SLC25A24: variants seen among roughly 807,000 people sequenced by gnomAD.
The protein encoded by SLC25A24 is mitochondrial adenyl nucleotide antiporter SLC25A24.
A neutral mutation model predicts 60.7 loss-of-function variants in SLC25A24; 49 were observed. The observed-to-expected ratio is 0.81, with a 90% CI of 0.64 to 1.02. SLC25A24 has a LOEUF of 1.02. SLC25A24 is among the 50% of genes least tolerant of loss of function. The pLI, the probability that SLC25A24 is intolerant of heterozygous loss-of-function variation, is 0.00. For missense variants in SLC25A24, 564 were observed against 586.3 expected, an observed-to-expected ratio of 0.96 and a Z score of 0.39; for synonymous variants, 202 against 200.6, an observed-to-expected ratio of 1.01 and a Z score of -0.06.
Position 108,200,169 on chromosome 1 carries a change from G to A in SLC25A24, c.-31C>T, listed in dbSNP as rs1207824196. The A allele has an allele frequency of 5.2e-6, 8 of 1,524,420 alleles. No homozygotes were observed. The highest frequency in any genetic ancestry group is 7.0e-6 in the Non-Finnish European group (8 of 1,139,500). The allele number at this position is 1,524,420 out of a possible 1,614,324, so 94.4% of individuals were successfully genotyped here. On this transcript the variant is annotated 5_prime_UTR_variant, in exon 1 of 10. Transcript: ENST00000565488. ...CAGAGGCGCAGGCGGCCTGGCCGAG[G>A]AAGTCACGGGAGATCGAGGGCTGCG... is the stretch of plus-strand genomic sequence containing the variant.
At chr1:108,171,934 T>TCCTAACC (rs1249019507) in intron 3 of SLC25A24, among the ~76,000 whole-genome samples, 2 of 152,328 alleles carry the variant, frequency 1.3e-5, no homozygotes, top group East Asian at 3.9e-4. Flanking sequence ...CAAACTGTAC[T>TCCTAACC]CCTAACCACT....
intron 3 of SLC25A24, among the ~76,000 whole-genome samples, chr1:108,180,141 A>G (rs1647860558): frequency 6.6e-6 from 1 of 152,096 alleles, no homozygotes; most frequent in South Asian, 2.1e-4. Context: ...AGATGGGTGG[A>G]TCACCTGATG....
chr1:108,172,077 T>C (rs1425224201), intron 3 of SLC25A24, among the ~76,000 whole-genome samples: 2 of 152,088 alleles, frequency 1.3e-5, no homozygotes, highest in Non-Finnish European at 2.9e-5. Context: ...AATGTAAAGA[T>C]ATGAAAATGA....
Position 108,136,856 on chromosome 1 carries a change from G to GGGTAAT in SLC25A24, c.1250-25_1250-20dup. 1 of 1,604,778 alleles carries GGGTAAT rather than the reference G, an allele frequency of 6.2e-7. No individual in the cohort carries two copies. The highest frequency in any genetic ancestry group is 8.5e-7 in the Non-Finnish European group (1 of 1,173,022). ...AACATGGCTAAAAAATAAAAAAAGA[G>GGGTAAT]GGTAATTTAATATTCAAGTATGTTT... On this transcript the variant is annotated intron_variant, in intron 9 of 9. Transcript: ENST00000565488.
intron 3 of SLC25A24, among the ~76,000 whole-genome samples, chr1:108,177,028 A>G (rs1647696509): frequency 6.6e-6 from 1 of 152,192 alleles, no homozygotes; most frequent in African/African-American, 2.4e-5. Context: ...GAAAGAGAAA[A>G]CTATTAAAAG....
At chr1:108,160,746 G>A (rs1680047729) in intron 4 of SLC25A24, among the ~76,000 whole-genome samples, 1 of 152,226 alleles carries the variant, frequency 6.6e-6, no homozygotes, top group South Asian at 2.1e-4. Context: ...TCAGGAGCTG[G>A]AGACCAGCCC....
At chr1:108,180,200 G>C (rs1346525066) in intron 3 of SLC25A24, among the ~76,000 whole-genome samples, 2 of 143,870 alleles carry the variant, frequency 1.4e-5, no homozygotes, top group East Asian at 3.9e-4. Context: ...CCCGTCTCTA[G>C]TAAAAATAAA....
chr1:108,139,588 A>T (rs568003620), intron 8 of SLC25A24, among the ~76,000 whole-genome samples: 1 of 152,256 alleles, frequency 6.6e-6, no homozygotes, highest in East Asian at 1.9e-4. Flanking sequence ...TAAATCTATT[A>T]TTCTGATTTT....
intron 9 of SLC25A24, among the ~76,000 whole-genome samples, chr1:108,138,345 G>C (rs1319828830): frequency 6.6e-6 from 1 of 152,198 alleles, no homozygotes; most frequent in Non-Finnish European, 1.5e-5. Context: ...TGGGAATAGA[G>C]CTGTAGATGC....
chr1:108,137,531 G>C (rs940716274), intron 9 of SLC25A24, among the ~76,000 whole-genome samples: 1 of 152,184 alleles, frequency 6.6e-6, no homozygotes, highest in Non-Finnish European at 1.5e-5. Flanking sequence ...GATTATTAAA[G>C]GCTTTGAAAT....
At chr1:108,170,288 A>G (rs1437343711) in intron 3 of SLC25A24, among the ~76,000 whole-genome samples, 1 of 152,154 alleles carries the variant, frequency 6.6e-6, no homozygotes, top group Non-Finnish European at 1.5e-5. Flanking sequence ...TTATGTCTGT[A>G]ATTAACTTCT....
chr1:108,200,280 GGC>G lies in SLC25A24; in HGVS notation c.-144_-143del. 1 of 703,106 alleles carries G rather than the reference GGC, an allele frequency of 1.4e-6. No individual in the cohort carries two copies. The highest frequency in any genetic ancestry group is 2.0e-6 in the Non-Finnish European group (1 of 502,696). The allele number at this position is 703,106 out of a possible 1,614,324, so 43.6% of individuals were successfully genotyped here. ...GGGGCGCCGTCGGGGTTGCGGCTGC[GGC>G]GCGCAGGGCGCAGGGCGCAGGAGCG... On this transcript the variant is annotated 5_prime_UTR_variant, in exon 1 of 10. Coordinates refer to ENST00000565488, the MANE Select transcript of SLC25A24 (RefSeq NM_013386.5).
chr1:108,199,290 A>G (rs910399410), intron 1 of SLC25A24: 3 of 152,248 alleles, frequency 2.0e-5, no homozygotes, highest in African/African-American at 4.8e-5. Flanking sequence ...GAAGTTCCAC[A>G]TATCTCCACC....
intron 6 of SLC25A24, among the ~76,000 whole-genome samples, chr1:108,151,011 G>T (rs1440073096): frequency 1.3e-5 from 2 of 152,122 alleles, no homozygotes; most frequent in Non-Finnish European, 2.9e-5. Context: ...AACCAGCCTG[G>T]CCAATACGGT....
intron 1 of SLC25A24, among the ~76,000 whole-genome samples, chr1:108,198,051 T>G (rs1648548592): frequency 6.6e-6 from 1 of 152,166 alleles, no homozygotes; most frequent in Non-Finnish European, 1.5e-5. Context: ...TCTTCACACA[T>G]GTCCACTTCC....
At chr1:108,164,094 T>C (rs1680172496) in intron 3 of SLC25A24, among the ~76,000 whole-genome samples, 1 of 152,184 alleles carries the variant, frequency 6.6e-6, no homozygotes, top group Admixed American at 6.5e-5. Context: ...TGGATTACAT[T>C]TACTGATTTG....
chr1:108,187,048 G>A (rs1284677599), intron 1 of SLC25A24, among the ~76,000 whole-genome samples: 1 of 148,300 alleles, frequency 6.7e-6, no homozygotes, highest in African/African-American at 2.5e-5. Flanking sequence ...TTGCACACCA[G>A]CCTAGGCAAT....
chr1:108,181,712 T>C (rs761284665), intron 3 of SLC25A24, among the ~76,000 whole-genome samples: 4 of 152,222 alleles, frequency 2.6e-5, no homozygotes, highest in Non-Finnish European at 4.4e-5. Flanking sequence ...GCCATTCCAC[T>C]ATCCTTTGAG....
chr1:108,193,069 C>T (rs78428217), intron 1 of SLC25A24, among the ~76,000 whole-genome samples: 2,236 of 140,056 alleles, frequency 0.016, 235 homozygotes, highest in African/African-American at 0.053. Context: ...GGGACATGGG[C>T]TATTGCAGCA....
Sources: gnomAD v4.1 joint callset for allele counts (sites outside exome capture counted in the v4.1 genomes callset) on GRCh38, gnomAD v4.1.1 for gene constraint, MANE v1.5 for transcripts, NCBI Gene and HGNC (gene_info 2026-07-23, HGNC 2026-07-21) for gene names.